Variants in LIG3 observed in about 807,000 individuals in gnomAD.
LIG3 encodes the protein DNA ligase 3, also known as ligase II, DNA, ATP-dependent.
LIG3 carries 58 observed loss-of-function variants against 110.9 expected under a neutral mutation model. The observed-to-expected ratio is 0.52, with a 90% CI of 0.42 to 0.65. The LOEUF is 0.65. LIG3 is among the 30% of genes least tolerant of loss of function. The pLI is 0.00. For missense variants in LIG3, 1,094 were observed against 1,273.8 expected, an observed-to-expected ratio of 0.86 and a Z score of 2.15; for synonymous variants, 422 against 472.8, an observed-to-expected ratio of 0.89 and a Z score of 1.39.
At chr17:35,002,866 T>A in intron 19 of LIG3, 77 bp downstream of exon 19, 1 of 1,576,374 alleles carries the variant, frequency 6.3e-7, no homozygotes, top group South Asian at 1.2e-5. Context: ...TACAAGAAGT[T>A]TGAAAGAGGA....
In LIG3 at chr17:34,983,249, T is replaced by G; in HGVS notation, c.244T>G (p.Cys82Gly). 1.9e-6 allele frequency: 3 copies of G among 1,614,256 alleles called. No homozygotes were observed. Among genetic ancestry groups the G allele is most frequent in the Non-Finnish European group, 2.5e-6 (3 of 1,180,028 alleles). ...CTTGCCAGGGTTGCATGTGGGACTC[T>G]GCAGTGGCCCCTGTGAGATGGCTGA... Reference protein sequence around the residue: ...VFLPGLHVGLCSGPCEMAEQR... With the variant: ...VFLPGLHVGLGSGPCEMAEQR... Residue 82 changes from cysteine to glycine, a missense_variant, in exon 2 of 20, where the codon TGC becomes GGC. Coordinates refer to ENST00000378526, the MANE Select transcript of LIG3 (RefSeq NM_013975.4).
chr17:35,003,325 G>C (rs187302776), intron 19 of LIG3: 1 of 504,846 alleles, frequency 2.0e-6, no homozygotes, highest in African/African-American at 1.9e-5. Context: ...TTTGAGATAA[G>C]TCTCGCTCTG....
intron 11 of LIG3, 75 bp downstream of exon 11, chr17:34,996,728 G>A: frequency 7.7e-7 from 1 of 1,296,156 alleles, no homozygotes; most frequent in Non-Finnish European, 1.1e-6. Flanking sequence ...GAAGATGGGG[G>A]CTTCAGGTTG....
chr17:35,004,574 G>T lies in LIG3; in HGVS notation c.*68G>T, dbSNP rs1456011226. 4 of 1,336,174 alleles carry T rather than the reference G, an allele frequency of 3.0e-6. No individual in the cohort carries two copies. The highest frequency in any genetic ancestry group is 3.2e-6 in the Non-Finnish European group (3 of 937,260). 82.8% of individuals were successfully genotyped at this position (1,336,174 alleles called of 1,614,324 possible). ...CATACTACTGGACTGGACTCAGGCTGGAGGCAGATAGACACAGTATAGGGG... is the reference window on the plus strand; with the variant it reads ...CATACTACTGGACTGGACTCAGGCTTGAGGCAGATAGACACAGTATAGGGG... On this transcript the variant is annotated 3_prime_UTR_variant, in exon 20 of 20. Transcript: ENST00000378526.
Position 35,005,343 on chromosome 17 carries a change from C to G in LIG3, c.*837C>G, listed in dbSNP as rs552137709. 1.8e-6 allele frequency: 1 copy of G among 554,284 alleles called. No homozygotes were observed. The highest frequency in any genetic ancestry group is 1.9e-5 in the Admixed American group (1 of 52,240). The allele number at this position is 554,284 out of a possible 1,614,324, so 34.3% of individuals were successfully genotyped here. ...ATCCCATTCTTAGTGCTCGAGTGTT[C>G]CAACCTGAAGTTGAAGAAGCCACCC... On this transcript the variant is annotated 3_prime_UTR_variant, in exon 20 of 20. Coordinates refer to ENST00000378526, the MANE Select transcript of LIG3 (RefSeq NM_013975.4).
At position 34,997,747 on chromosome 17, in the gene LIG3, T is replaced by G. The variant is rs772143518; in HGVS notation, c.1833T>G (p.Cys611Trp). Reference protein sequence around the residue: ...NDVSLMDRPLCERRKFLHDNM... With the variant: ...NDVSLMDRPLWERRKFLHDNM... ...CTCCTGTTCTCCTCAGACCTCTGTG[T>G]GAGCGGCGGAAGTTTCTTCATGACA... is the stretch of plus-strand genomic sequence containing the variant. The change falls in exon 12 of 20, where the codon TGT becomes TGG. Residue 611 changes from cysteine to tryptophan, a missense_variant. Cys to Trp is a radical substitution (Grantham distance 215, BLOSUM62 -2). Coordinates refer to ENST00000378526, the MANE Select transcript of LIG3 (RefSeq NM_013975.4). 6.8e-6 allele frequency: 11 copies of G among 1,613,928 alleles called. No individual in the cohort carries two copies. Among genetic ancestry groups the G allele is most frequent in the Non-Finnish European group, 7.6e-6 (9 of 1,179,788 alleles).
Position 34,999,828 on chromosome 17 carries a change from A to C in LIG3, c.2303A>C (p.Tyr768Ser). 6.2e-7 allele frequency: 1 copy of C among 1,614,136 alleles called. No individual in the cohort carries two copies. The highest frequency in any genetic ancestry group is 8.5e-7 in the Non-Finnish European group (1 of 1,179,978). The change falls in exon 16 of 20, where the codon TAT (tyrosine) becomes TCT (serine). Residue 768 changes from tyrosine to serine, a missense_variant. Physicochemically the swap from Tyr to Ser is moderately radical, Grantham distance 144. Coordinates refer to ENST00000378526, the MANE Select transcript of LIG3 (RefSeq NM_013975.4). ...PSWLKVNKIY[Y>S]PDFIVPDPKK... ...TGGTTGAAGGTCAACAAGATCTACT[A>C]TCCTGACTTCATCGTCCCAGACCCA...
At position 35,004,517 on chromosome 17, in the gene LIG3, T is replaced by C; in HGVS notation, c.*11T>C. The stretch of plus-strand genomic sequence containing the variant: ...GTAGCTCCCTGCTAGGTTTGCTGTC[T>C]TCCCTCTCCCTCAGGCCATACTCTC... On this transcript the variant is annotated 3_prime_UTR_variant, in exon 20 of 20. Transcript: ENST00000378526. The C allele has an allele frequency of 6.2e-7, 1 of 1,604,454 alleles. No homozygotes were observed. The highest frequency in any genetic ancestry group is 8.5e-7 in the Non-Finnish European group (1 of 1,171,336).
intron 3 of LIG3, among the ~76,000 whole-genome samples, chr17:34,986,634 G>A (rs1318854236): frequency 6.6e-6 from 1 of 152,140 alleles, no homozygotes; most frequent in Admixed American, 6.5e-5. Context: ...CATTCCACTT[G>A]TATAGCATTT....
At chr17:34,999,249 C>G in intron 14 of LIG3, 58 bp from the exon 15 acceptor site, 1 of 1,565,246 alleles carries the variant, frequency 6.4e-7, no homozygotes, top group Non-Finnish European at 8.7e-7. Context: ...GCCCTGGGCT[C>G]TTGGGACTGG....
chr17:34,999,518 T>TG, intron 15 of LIG3, 69 bp downstream of exon 15: 1 of 1,555,106 alleles, frequency 6.4e-7, no homozygotes, highest in Non-Finnish European at 8.7e-7. Context: ...GGCTGTGCTT[T>TG]GGGGACTACA....
chr17:35,004,125 T>C, intron 19 of LIG3, 148 bp from the exon 20 acceptor site: 1 of 619,196 alleles, frequency 1.6e-6, no homozygotes, highest in South Asian at 1.9e-5. Flanking sequence ...ACTGGAGGGG[T>C]GGGGGTATTG....
At position 34,994,057 on chromosome 17, in the gene LIG3, A is replaced by C. The variant is rs756652689; in HGVS notation, c.1456-219A>C. 8.7e-6 allele frequency: 4 copies of C among 457,992 alleles called. No homozygotes were observed. The East Asian group carries it at 1.0e-4, about 12-fold the overall frequency. 28.4% of individuals were successfully genotyped at this position (457,992 alleles called of 1,614,324 possible). A position where few individuals can be genotyped will look rare whatever the true frequency, so the allele number is the denominator to read the frequency against. On this transcript the variant is annotated intron_variant, in intron 8 of 19. Coordinates refer to ENST00000378526, the MANE Select transcript of LIG3 (RefSeq NM_013975.4). Reference sequence around the variant, plus strand: ...CATATTCCTCAAAAGGCAAGCTCCTATGTCAGCTCAGGTGATTATTTCATA... The same window carrying C: ...CATATTCCTCAAAAGGCAAGCTCCTCTGTCAGCTCAGGTGATTATTTCATA...
intron 8 of LIG3, 136 bp downstream of exon 8, chr17:34,992,828 CA>C: frequency 1.2e-6 from 1 of 851,206 alleles, no homozygotes; most frequent in Non-Finnish European, 1.7e-6. Flanking sequence ...GAGGGAGGTG[CA>C]AGGGGGTATT....
chr17:34,998,986 T>G (rs2090810589), intron 14 of LIG3: 1 of 514,282 alleles, frequency 1.9e-6, no homozygotes, highest in Non-Finnish European at 3.4e-6. Flanking sequence ...GCCTGACAGC[T>G]TTCTCCTCAG....
downstream of LIG3, chr17:35,010,170 C>G (rs1040042271): frequency 2.0e-5 from 3 of 152,082 alleles, no homozygotes; most frequent in Non-Finnish European, 4.4e-5. Flanking sequence ...GTAATAAGTC[C>G]CTTTAGAGGT....
intron 1 of LIG3, among the ~76,000 whole-genome samples, chr17:34,982,353 G>A (rs2090604937): frequency 6.6e-6 from 1 of 152,056 alleles, no homozygotes; most frequent in South Asian, 2.1e-4. Flanking sequence ...TGATTAAAAC[G>A]AAACTTCAGG....
At position 35,004,890 on chromosome 17, in the gene LIG3, A is replaced by G; in HGVS notation, c.*384A>G. 1 of 262,636 alleles carries G rather than the reference A, an allele frequency of 3.8e-6. No homozygotes were observed. The highest frequency in any genetic ancestry group is 7.4e-6 in the Non-Finnish European group (1 of 135,014). The allele number at this position is 262,636 out of a possible 1,614,324, so 16.3% of individuals were successfully genotyped here. ...CTGGGCTATGGCAGCTCTGTCCACA[A>G]AGCCTTCTCTCCCATCCTTGCCTGT... On this transcript the variant is annotated 3_prime_UTR_variant, in exon 20 of 20. Transcript: ENST00000378526.
intron 16 of LIG3, among the ~76,000 whole-genome samples, chr17:35,000,414 G>A (rs977088994): frequency 4.6e-5 from 7 of 151,856 alleles, no homozygotes; most frequent in African/African-American, 1.4e-4. Context: ...ATGTGCCACC[G>A]TGGCCAGCTA....
Sources: gnomAD v4.1 joint callset for allele counts (sites outside exome capture counted in the v4.1 genomes callset) on GRCh38, gnomAD v4.1.1 for gene constraint, MANE v1.5 for transcripts, NCBI Gene and HGNC (gene_info 2026-07-23, HGNC 2026-07-21) for gene names.